Variants in XKR4 observed in about 807,000 individuals in gnomAD.
XKR4 encodes XK-related protein 4.
A neutral mutation model predicts 53.9 loss-of-function variants in XKR4; 12 were observed. The ratio of observed to expected loss-of-function variants is 0.22; its 90% CI spans 0.14 to 0.36. XKR4 has a LOEUF of 0.36. Among genes scored for constraint, XKR4 ranks in the 10% least tolerant of loss-of-function variants. The pLI is 1.00. For missense variants in XKR4, 799 were observed against 859.5 expected, an observed-to-expected ratio of 0.93 and a Z score of 0.88; for synonymous variants, 354 against 362.4, an observed-to-expected ratio of 0.98 and a Z score of 0.26.
intron 2 of XKR4, among the ~76,000 whole-genome samples, chr8:55,461,996 AC>A (rs201114757): frequency 0.014 from 2,098 of 152,332 alleles, 48 homozygotes; most frequent in African/African-American, 0.049. Context: ...ATCTACATCT[AC>A]TTGGTGTACC....
intron 1 of XKR4, among the ~76,000 whole-genome samples, chr8:55,224,069 G>A (rs561809892): frequency 2.6e-5 from 4 of 152,286 alleles, no homozygotes; most frequent in African/African-American, 7.2e-5. Flanking sequence ...ATAACTAAAT[G>A]TGCATAAATA....
At chr8:55,129,764 G>A (rs916459053) in intron 1 of XKR4, among the ~76,000 whole-genome samples, 3 of 152,168 alleles carry the variant, frequency 2.0e-5, no homozygotes, top group African/African-American at 7.2e-5. Context: ...GTTGAAAAGG[G>A]TGAGGGAGGT....
chr8:55,511,446 C>T (rs1210089227), intron 2 of XKR4, among the ~76,000 whole-genome samples: 2 of 152,142 alleles, frequency 1.3e-5, no homozygotes, highest in Non-Finnish European at 2.9e-5. Flanking sequence ...CTGCCTTCCC[C>T]CAACCAGCCC....
intron 1 of XKR4, among the ~76,000 whole-genome samples, chr8:55,174,037 G>T (rs1457420146): frequency 1.3e-5 from 2 of 151,654 alleles, no homozygotes; most frequent in Admixed American, 6.6e-5. Context: ...TGCTATTTTG[G>T]TGTAGCATCA....
intron 1 of XKR4, among the ~76,000 whole-genome samples, chr8:55,247,855 C>CTTTTTTTTT: frequency 1.7e-5 from 1 of 59,858 alleles, no homozygotes; most frequent in Non-Finnish European, 4.5e-5. Flanking sequence ...TTCTTTCTTT[C>CTTTTTTTTT]TTTTTTTTTT....
intron 2 of XKR4, among the ~76,000 whole-genome samples, chr8:55,429,740 A>AAAAAG (rs1805072760): frequency 6.6e-6 from 1 of 152,038 alleles, no homozygotes; most frequent in African/African-American, 2.4e-5. Flanking sequence ...CTGGAAAAAA[A>AAAAAG]AAAAGAAAAG....
rs567113482 is a variant in XKR4, at chr8:55,462,409, C to T, written c.1007-60872C>T. Among the ~76,000 whole-genome samples, 11 of 152,224 alleles carry T rather than the reference C, an allele frequency of 7.2e-5. No individual in the cohort carries two copies. The South Asian group carries it at 1.2e-3, about 17-fold the overall frequency. ...AGTGAAGGAGAAATAAAATACTTTA[C>T]AGACAAGCAAATGCTGAGAGATTTT... On this transcript the variant is annotated intron_variant, in intron 2 of 2. Transcript: ENST00000327381.
At position 55,318,877 on chromosome 8, in the gene XKR4, T is replaced by C. The variant is rs536512171; in HGVS notation, c.807-38801T>C. Among the ~76,000 whole-genome samples the C allele has an allele frequency of 9.3e-4, 141 of 152,298 alleles. 1 individual carries two copies. The highest frequency in any genetic ancestry group is 3.4e-3 in the Middle Eastern group (1 of 294). On this transcript the variant is annotated intron_variant, in intron 1 of 2. Transcript: ENST00000327381. ...TTATCAGATGTGACAAATTAACAAGTAGGGCCATGTAGATCCACAACAAGA... is the reference window on the plus strand; with the variant it reads ...TTATCAGATGTGACAAATTAACAAGCAGGGCCATGTAGATCCACAACAAGA...
intron 1 of XKR4, among the ~76,000 whole-genome samples, chr8:55,223,018 A>C (rs1029805271): frequency 4.6e-5 from 7 of 152,096 alleles, no homozygotes; most frequent in African/African-American, 1.7e-4. Flanking sequence ...TCTTTATCTC[A>C]TGGCCCTCTC....
At chr8:55,387,581 G>T (rs548651625) in intron 2 of XKR4, among the ~76,000 whole-genome samples, 1 of 152,300 alleles carries the variant, frequency 6.6e-6, no homozygotes, top group East Asian at 1.9e-4. Flanking sequence ...GGGTAGGAAG[G>T]GTAGACCCTA....
intron 1 of XKR4, among the ~76,000 whole-genome samples, chr8:55,159,826 T>C (rs1019860286): frequency 6.6e-6 from 1 of 152,230 alleles, no homozygotes; most frequent in Non-Finnish European, 1.5e-5. Flanking sequence ...TAGCTAGAGA[T>C]ACATGCGAGG....
chr8:55,222,743 T>C (rs1210463351), intron 1 of XKR4, among the ~76,000 whole-genome samples: 1 of 152,234 alleles, frequency 6.6e-6, no homozygotes, highest in Non-Finnish European at 1.5e-5. Context: ...TTACTACACA[T>C]GTATATACAA....
At chr8:55,471,408 C>A (rs538088938) in intron 2 of XKR4, among the ~76,000 whole-genome samples, 1 of 152,076 alleles carries the variant, frequency 6.6e-6, no homozygotes, top group African/African-American at 2.4e-5. Flanking sequence ...AGCATCAGCA[C>A]GGTGTGGAAA....
intron 1 of XKR4, among the ~76,000 whole-genome samples, chr8:55,200,374 T>C (rs1402046457): frequency 3.9e-5 from 6 of 152,224 alleles, no homozygotes; most frequent in Admixed American, 3.9e-4. Flanking sequence ...GGCCAGTCTA[T>C]ATCCTTTTAC....
At chr8:55,362,134 A>G (rs956347452) in intron 2 of XKR4, among the ~76,000 whole-genome samples, 4 of 152,162 alleles carry the variant, frequency 2.6e-5, no homozygotes, top group Non-Finnish European at 2.9e-5. Context: ...GGCCCATTGC[A>G]TAGGGCTTCT....
At position 55,346,589 on chromosome 8, in the gene XKR4, G is replaced by T. The variant is rs570722656; in HGVS notation, c.807-11089G>T. On this transcript the variant is annotated intron_variant, in intron 1 of 2. Transcript: ENST00000327381. The stretch of plus-strand genomic sequence containing the variant: ...AATATCCTGGTACTAAAACAAGGTG[G>T]TGTTGTGAGTGTCCTTGTTGCTTAG... 5.3e-5 allele frequency among the ~76,000 whole-genome samples: 8 copies of T among 152,208 alleles called. No homozygotes were observed. The South Asian group carries it at 8.3e-4, about 16-fold the overall frequency.
At chr8:55,137,374 A>G (rs1031831612) in intron 1 of XKR4, among the ~76,000 whole-genome samples, 1 of 152,212 alleles carries the variant, frequency 6.6e-6, no homozygotes, top group Non-Finnish European at 1.5e-5. Flanking sequence ...CAATTATTAT[A>G]TATTGAGCAC....
intron 1 of XKR4, among the ~76,000 whole-genome samples, chr8:55,277,542 G>T (rs966870513): frequency 6.6e-6 from 1 of 152,106 alleles, no homozygotes; most frequent in Admixed American, 6.5e-5. Context: ...ATAGCCTGAA[G>T]TTAATTTTAT....
At chr8:55,353,181 G>A (rs955683353) in intron 1 of XKR4, among the ~76,000 whole-genome samples, 12 of 152,144 alleles carry the variant, frequency 7.9e-5, no homozygotes, top group African/African-American at 1.4e-4. Flanking sequence ...GGGTTGAATC[G>A]TGTCCTCCCT....
Sources: gnomAD v4.1 joint callset for allele counts (sites outside exome capture counted in the v4.1 genomes callset) on GRCh38, gnomAD v4.1.1 for gene constraint, MANE v1.5 for transcripts, NCBI Gene and HGNC (gene_info 2026-07-23, HGNC 2026-07-21) for gene names.